CARD8: variants seen among roughly 807,000 people sequenced by gnomAD.
The protein encoded by CARD8 is caspase recruitment domain family member 8.
CARD8 carries 38 observed loss-of-function variants against 53.2 expected under a neutral mutation model. The observed-to-expected ratio is 0.71, with a 90% CI of 0.55 to 0.94. CARD8 has a LOEUF of 0.94. Among genes scored for constraint, CARD8 ranks in the 40% least tolerant of loss-of-function variants. The pLI is 0.00. For missense variants in CARD8, 561 were observed against 655.5 expected (o/e 0.86, Z 1.57); for synonymous variants, 245 against 244.9 (o/e 1.00, Z 0.00).
At chr19:48,231,561 C>G (rs562596299) in intron 8 of CARD8, 99 bp downstream of exon 8, 282 of 1,250,766 alleles carry the variant, frequency 2.3e-4, no homozygotes, top group Non-Finnish European at 3.0e-4. Flanking sequence ...CCTCCACCTC[C>G]CAAAGTGCCG....
At chr19:48,227,254 T>C (rs2041975235) in intron 10 of CARD8, among the ~76,000 whole-genome samples, 1 of 152,166 alleles carries the variant, frequency 6.6e-6, no homozygotes, top group Admixed American at 6.5e-5. Flanking sequence ...CAATTAGATA[T>C]GCCAAATAAA....
intron 1 of CARD8, among the ~76,000 whole-genome samples, chr19:48,252,828 C>CACAT (rs2047108069): frequency 2.0e-5 from 3 of 151,956 alleles, no homozygotes; most frequent in Non-Finnish European, 4.4e-5. Flanking sequence ...CACACACACA[C>CACAT]ACACACACAT....
chr19:48,248,891 GATAA>G (rs2046541630), intron 3 of CARD8, among the ~76,000 whole-genome samples: 2 of 152,068 alleles, frequency 1.3e-5, no homozygotes, highest in Non-Finnish European at 2.9e-5. Context: ...TGTAAACATG[GATAA>G]ATATTTAAAA....
chr19:48,251,702 T>G (rs1450863736), intron 1 of CARD8, among the ~76,000 whole-genome samples: 2 of 152,258 alleles, frequency 1.3e-5, no homozygotes, highest in Non-Finnish European at 2.9e-5. Flanking sequence ...TTGGTACTAT[T>G]TAATGGATTT....
downstream of CARD8, chr19:48,203,879 C>A (rs1474268611): frequency 7.0e-6 from 2 of 285,492 alleles, no homozygotes; most frequent in Non-Finnish European, 1.4e-5. Context: ...CCTGTATCTC[C>A]TGCTGTAGCA....
intron 10 of CARD8, among the ~76,000 whole-genome samples, chr19:48,224,878 C>T (rs184292576): frequency 2.5e-4 from 38 of 151,776 alleles, no homozygotes; most frequent in African/African-American, 7.7e-4. Context: ...CTCAGCCTCC[C>T]GAGTAGCTGG....
chr19:48,253,997 A>ACACATAGCATACATATGTAGC, intron 1 of CARD8, among the ~76,000 whole-genome samples: 1 of 152,364 alleles, frequency 6.6e-6, no homozygotes, highest in South Asian at 2.1e-4. Context: ...CATAGAGGAA[A>ACACATAGCATACATATGTAGC]CACATAGCAT....
At chr19:48,203,935 T>C (rs905235062), downstream of CARD8, 35 of 285,048 alleles carry the variant, frequency 1.2e-4, 1 homozygote, top group South Asian at 8.7e-4. Flanking sequence ...ACCAGCGCTT[T>C]CGCGTCCAAG....
rs34632751 is a variant in CARD8 at position 48,211,939 on chromosome 19, T to C, written c.1385A>G (p.Gln462Arg). The part of the protein sequence containing the change: ...AFVKENHRQL[Q>R]ARMGDLKGVL... The stretch of plus-strand genomic sequence containing the variant: ...CCCTTTCAGGTCCCCCATCCTGGCT[T>C]GGAGTTGCCGGTGGTTCTCCTTCAC... Residue 462 changes from glutamine (Q) to arginine (R), a missense_variant, in exon 14 of 14, where the codon CAA (glutamine) becomes CGA (arginine). Coordinates refer to ENST00000651546, the MANE Select transcript of CARD8 (RefSeq NM_001184900.3). The C allele has an allele frequency of 0.024, 38,246 of 1,614,094 alleles. 547 individuals are homozygous for C. The highest frequency in any genetic ancestry group is 0.028 in the Non-Finnish European group (33,054 of 1,179,970).
intron 3 of CARD8, among the ~76,000 whole-genome samples, chr19:48,243,829 C>T (rs890355979): frequency 1.4e-4 from 21 of 152,130 alleles, no homozygotes; most frequent in African/African-American, 3.9e-4. Context: ...CCAGTCTGGG[C>T]GACAAAGCAA....
chr19:48,207,728 T>C, downstream of CARD8, among the ~76,000 whole-genome samples: 1 of 89,664 alleles, frequency 1.1e-5, no homozygotes, highest in African/African-American at 3.9e-5. Flanking sequence ...TTATTGTTGT[T>C]TTTCTGTTTT....
chr19:48,238,721 T>G (rs1387771244), intron 4 of CARD8, among the ~76,000 whole-genome samples, 189 bp from the exon 5 acceptor site: 1 of 152,134 alleles, frequency 6.6e-6, no homozygotes, highest in Non-Finnish European at 1.5e-5. Context: ...AGAGATGCCA[T>G]CCTTAGAGAC....
In CARD8 at chr19:48,230,851, G is replaced by A; in HGVS notation, c.698C>T (p.Pro233Leu). 1 of 1,614,108 alleles carries A rather than the reference G, an allele frequency of 6.2e-7. No homozygotes were observed. The highest frequency in any genetic ancestry group is 2.2e-5 in the East Asian group (1 of 44,880). Residue 233 changes from proline to leucine, a missense_variant, in exon 9 of 14, where the codon CCC becomes CTC. By Grantham distance (98) the Pro-to-Leu change is moderately conservative (BLOSUM62 -3). Coordinates refer to ENST00000651546, the MANE Select transcript of CARD8 (RefSeq NM_001184900.3). ...QHHEQWLVGG[P>L]LFDVTAEPEE... ...TGGCTCTGCAGTGACATCAAACAAG[G>A]GGCCGCCCACCAGCCACTGTTCATG...
In CARD8 at chr19:48,245,947, C is replaced by T. The variant is rs181887241; in HGVS notation, c.-44+3576G>A. Among the ~76,000 whole-genome samples the T allele has an allele frequency of 2.8e-3, 428 of 150,780 alleles. 1 individual carries two copies. The highest frequency in any genetic ancestry group is 4.8e-3 in the Non-Finnish European group (328 of 67,786). On this transcript the variant is annotated intron_variant, in intron 3 of 13. Coordinates refer to ENST00000651546, the MANE Select transcript of CARD8 (RefSeq NM_001184900.3). ...TAGTATATATAATACAATTATCCAA[C>T]CAGGAAATTGATGTTAGCATATCAT...
At chr19:48,234,328 C>T (rs1458348413) in intron 6 of CARD8, 75 bp downstream of exon 6, 1 of 1,447,480 alleles carries the variant, frequency 6.9e-7, no homozygotes, top group African/African-American at 1.4e-5. Flanking sequence ...CACCCAAATT[C>T]CTCTAATTCT....
intron 10 of CARD8, among the ~76,000 whole-genome samples, chr19:48,223,000 T>C (rs1004412338): frequency 5.3e-5 from 8 of 152,076 alleles, no homozygotes; most frequent in Admixed American, 3.3e-4. Context: ...ATAAATTATG[T>C]ACATATTTCA....
intron 1 of CARD8, among the ~76,000 whole-genome samples, chr19:48,251,497 A>G (rs1010498763): frequency 6.6e-6 from 1 of 152,156 alleles, no homozygotes; most frequent in African/African-American, 2.4e-5. Context: ...CGTTCACATC[A>G]CTGAAACCGT....
At chr19:48,245,123 A>G (rs1457864115) in intron 3 of CARD8, among the ~76,000 whole-genome samples, 1 of 152,246 alleles carries the variant, frequency 6.6e-6, no homozygotes, top group East Asian at 1.9e-4. Context: ...ACTATAACTC[A>G]CTACACGTTA....
Position 48,232,944 on chromosome 19 carries a change from T to G in CARD8, c.351-451A>C, listed in dbSNP as rs1180162362. 7 of 372,248 alleles carry G rather than the reference T, an allele frequency of 1.9e-5. No homozygotes were observed. The East Asian group carries it at 3.6e-4, about 19-fold the overall frequency. 23.1% of individuals were successfully genotyped at this position (372,248 alleles called of 1,614,324 possible). A position where few individuals can be genotyped will look rare whatever the true frequency, so the allele number is the denominator to read the frequency against. On this transcript the variant is annotated intron_variant, in intron 6 of 13. Coordinates refer to ENST00000651546, the MANE Select transcript of CARD8 (RefSeq NM_001184900.3). ...GTTCAATGTGGACACAGCCAGATTCTCTGGCTTAAATTGATTGCTCCGATT... is the reference window on the plus strand; with the variant it reads ...GTTCAATGTGGACACAGCCAGATTCGCTGGCTTAAATTGATTGCTCCGATT...
Sources: gnomAD v4.1 joint callset for allele counts (sites outside exome capture counted in the v4.1 genomes callset) on GRCh38, gnomAD v4.1.1 for gene constraint, MANE v1.5 for transcripts, NCBI Gene and HGNC (gene_info 2026-07-23, HGNC 2026-07-21) for gene names.